The following UBE2L3 variants were observed in gnomAD, a reference collection of about 807,000 sequenced individuals.
The protein encoded by UBE2L3 is ubiquitin-conjugating enzyme E2 L3.
In UBE2L3, 1 loss-of-function variant was observed where a neutral mutation model predicts 17.8. The ratio of observed to expected loss-of-function variants is 0.06; its 90% CI spans 0.02 to 0.27. UBE2L3 has a LOEUF of 0.27. Ranked by LOEUF, UBE2L3 falls within the 10% of genes least tolerant of loss-of-function variation. The pLI is 1.00. For synonymous variants in UBE2L3, 44 were observed against 68.5 expected, an observed-to-expected ratio of 0.64 and a Z score of 1.76; for missense variants, 40 against 192.6, an observed-to-expected ratio of 0.21 and a Z score of 4.69.
At chr22:21,607,373 G>C (rs937743388) in intron 2 of UBE2L3, among the ~76,000 whole-genome samples, 2 of 151,820 alleles carry the variant, frequency 1.3e-5, no homozygotes, top group African/African-American at 4.8e-5. Flanking sequence ...AAATTAGTCG[G>C]GCAGGGTAGC....
upstream of UBE2L3, among the ~76,000 whole-genome samples, chr22:21,563,683 T>C (rs933908823): frequency 6.7e-6 from 1 of 149,828 alleles, no homozygotes; most frequent in Non-Finnish European, 1.5e-5. Flanking sequence ...TTCGAGCGAT[T>C]CTCCCGCCTC....
rs371074232 is a variant in UBE2L3, at chr22:21,621,679, C to T, written c.*10C>T. On this transcript the variant is annotated 3_prime_UTR_variant, in exon 4 of 4. Coordinates refer to ENST00000342192, the MANE Select transcript of UBE2L3 (RefSeq NM_003347.4). ...GCGACCTGTGGACTAAAATCTGCCA[C>T]GATTGGTTCCAGCAAGTGTGAGCAG... The T allele has an allele frequency of 5.1e-5, 82 of 1,596,544 alleles. No homozygotes were observed. Among genetic ancestry groups the T allele is most frequent in the South Asian group, 8.9e-5 (8 of 90,042 alleles).
At chr22:21,612,572 G>T (rs958752081) in intron 3 of UBE2L3, among the ~76,000 whole-genome samples, 1 of 145,030 alleles carries the variant, frequency 6.9e-6, no homozygotes, top group Non-Finnish European at 1.5e-5. Flanking sequence ...TGATCCGCCC[G>T]CCTCGGCCTC....
rs926113792 is a variant in UBE2L3, at chr22:21,610,124, A to G, written c.124-733A>G. 2.0e-5 allele frequency among the ~76,000 whole-genome samples: 3 copies of G among 152,176 alleles called. No homozygotes were observed. The East Asian group carries it at 5.8e-4, about 29-fold the overall frequency. On this transcript the variant is annotated intron_variant, in intron 2 of 3. Coordinates refer to ENST00000342192, the MANE Select transcript of UBE2L3 (RefSeq NM_003347.4). ...CAAGGTGCCAACAGATTCAGTGGCA[A>G]CTGAGGGCCGGCTTCATGGTTTATA...
intron 1 of UBE2L3, among the ~76,000 whole-genome samples, chr22:21,577,192 T>C (rs1319504067): frequency 6.6e-6 from 1 of 151,840 alleles, no homozygotes; most frequent in African/African-American, 2.4e-5. Flanking sequence ...ATGGTCTCGA[T>C]CTCCTGACTT....
chr22:21,613,701 A>G (rs768389757), intron 3 of UBE2L3, among the ~76,000 whole-genome samples: 15 of 152,224 alleles, frequency 9.9e-5, no homozygotes, highest in Non-Finnish European at 1.6e-4. Context: ...GGGCTTAGCT[A>G]CATGGTTCTA....
At chr22:21,596,105 C>T (rs928184641) in intron 2 of UBE2L3, among the ~76,000 whole-genome samples, 1 of 152,128 alleles carries the variant, frequency 6.6e-6, no homozygotes, top group African/African-American at 2.4e-5. Context: ...ACCTTGTGAT[C>T]CACCCTCCTC....
At chr22:21,575,086 G>A (rs569836236) in intron 1 of UBE2L3, among the ~76,000 whole-genome samples, 53 of 150,712 alleles carry the variant, frequency 3.5e-4, no homozygotes, top group African/African-American at 1.0e-3. Flanking sequence ...GTGAAACCCC[G>A]TCTCTACTAG....
At chr22:21,567,648 C>A, upstream of UBE2L3, 1 of 1,546,252 alleles carries the variant, frequency 6.5e-7, no homozygotes, top group Non-Finnish European at 8.7e-7. Context: ...TCCTGTGCCC[C>A]GCCCCGCGGC....
rs530197110 is a variant in UBE2L3 at position 21,611,613 on chromosome 22, G to T, written c.310+570G>T. ...CTGGGATTCCCTGGAGTTGGATGTG[G>T]CTGTGCGTGGTGCACATGTCTGTGT... is the stretch of plus-strand genomic sequence containing the variant. On this transcript the variant is annotated intron_variant, in intron 3 of 3. Coordinates refer to ENST00000342192, the MANE Select transcript of UBE2L3 (RefSeq NM_003347.4). Among the ~76,000 whole-genome samples, 27 of 152,300 alleles carry T rather than the reference G, an allele frequency of 1.8e-4. No homozygotes were observed. The South Asian group carries it at 5.6e-3, about 32-fold the overall frequency.
At chr22:21,574,470 G>A (rs1007649206) in intron 1 of UBE2L3, among the ~76,000 whole-genome samples, 1 of 152,196 alleles carries the variant, frequency 6.6e-6, no homozygotes, top group Non-Finnish European at 1.5e-5. Context: ...TCCAGGGCAG[G>A]GAGGTGACCA....
chr22:21,608,907 T>G (rs1000825273), intron 2 of UBE2L3, among the ~76,000 whole-genome samples: 4 of 151,936 alleles, frequency 2.6e-5, no homozygotes, highest in East Asian at 1.9e-4. Flanking sequence ...GTTTTGTTTT[T>G]TTTTTGAGAC....
At chr22:21,587,038 C>T (rs1276925492) in intron 1 of UBE2L3, among the ~76,000 whole-genome samples, 1 of 146,974 alleles carries the variant, frequency 6.8e-6, no homozygotes, top group East Asian at 2.0e-4. Flanking sequence ...GGCATGCACC[C>T]CTATGCCTGG....
In UBE2L3 at chr22:21,622,997, C is replaced by T. The variant is rs1485540001; in HGVS notation, c.*1328C>T. On this transcript the variant is annotated 3_prime_UTR_variant, in exon 4 of 4. Coordinates refer to ENST00000342192, the MANE Select transcript of UBE2L3 (RefSeq NM_003347.4). ...TTTTCAAGGCAAATGGGATTGTCCC[C>T]GCACTAGTAGAGAATCCATGTCGCT... is the stretch of plus-strand genomic sequence containing the variant. 8 of 152,256 alleles carry T rather than the reference C, an allele frequency of 5.3e-5. No individual in the cohort carries two copies. The highest frequency in any genetic ancestry group is 1.2e-4 in the African/African-American group (5 of 41,390). The allele number at this position is 152,256 out of a possible 1,614,324, so 9.4% of individuals were successfully genotyped here.
intron 3 of UBE2L3, among the ~76,000 whole-genome samples, chr22:21,615,472 G>A (rs1442293017): frequency 3.3e-5 from 5 of 149,476 alleles, no homozygotes; most frequent in East Asian, 2.0e-4. Flanking sequence ...GGAGAATGGC[G>A]TGAACCTGGG....
chr22:21,588,463 C>CTTTTTTTTTT (rs1255043408), intron 1 of UBE2L3, among the ~76,000 whole-genome samples: 2 of 103,338 alleles, frequency 1.9e-5, no homozygotes, highest in South Asian at 3.5e-4. Context: ...TTTCTTCTTT[C>CTTTTTTTTTT]TTTTTTTTTT....
At chr22:21,605,781 C>T (rs751002461) in intron 2 of UBE2L3, among the ~76,000 whole-genome samples, 10 of 152,358 alleles carry the variant, frequency 6.6e-5, no homozygotes, top group Middle Eastern at 3.4e-3. Flanking sequence ...GTTGGGATTA[C>T]AGGCATGAGC....
At chr22:21,604,906 G>C (rs1336557845) in intron 2 of UBE2L3, among the ~76,000 whole-genome samples, 1 of 152,166 alleles carries the variant, frequency 6.6e-6, no homozygotes, top group Non-Finnish European at 1.5e-5. Context: ...TGAGAGGCCT[G>C]GCCTGCCTCA....
intron 3 of UBE2L3, among the ~76,000 whole-genome samples, chr22:21,612,614 C>T (rs1354770492): frequency 2.1e-5 from 3 of 143,960 alleles, no homozygotes; most frequent in South Asian, 2.2e-4. Flanking sequence ...CGTAAGCCAC[C>T]GCACCCAGCC....
Sources: gnomAD v4.1 joint callset for allele counts (sites outside exome capture counted in the v4.1 genomes callset) on GRCh38, gnomAD v4.1.1 for gene constraint, MANE v1.5 for transcripts, NCBI Gene and HGNC (gene_info 2026-07-23, HGNC 2026-07-21) for gene names.